TSPAN15: variants seen among roughly 807,000 people sequenced by gnomAD.
TSPAN15 encodes the protein tetraspanin 15.
A neutral mutation model predicts 34.5 loss-of-function variants in TSPAN15; 20 were observed. The ratio of observed to expected loss-of-function variants is 0.58; its 90% CI spans 0.41 to 0.84. The LOEUF is 0.84. TSPAN15 is among the 40% of genes least tolerant of loss of function. The probability of loss-of-function intolerance (pLI) is 0.00; values close to 1 mark genes in which losing one functional copy is unlikely to be tolerated. For synonymous variants in TSPAN15, 155 were observed against 153.9 expected (o/e 1.01, Z -0.05); for missense variants, 313 against 386.1 (o/e 0.81, Z 1.59).
chr10:69,495,823 A>G lies in TSPAN15; in HGVS notation c.453+134A>G, dbSNP rs1281331906. ...AAAGCAGGTGGCTGGCCAGATTGGG[A>G]GGCAACAGTGAGCATGGATGGCCCA... On this transcript the variant is annotated intron_variant, in intron 4 of 7. Transcript: ENST00000373290. 9.1e-6 allele frequency: 6 copies of G among 661,618 alleles called. No individual in the cohort carries two copies. In the Admixed American group the frequency reaches 1.5e-4, roughly 16 times the overall value. 41.0% of individuals were successfully genotyped at this position (661,618 alleles called of 1,614,324 possible). A position where few individuals can be genotyped will look rare whatever the true frequency, so the allele number is the denominator to read the frequency against.
downstream of TSPAN15, chr10:69,507,775 G>T: frequency 2.9e-6 from 2 of 686,344 alleles, no homozygotes; most frequent in Non-Finnish European, 4.1e-6. Context: ...TGCATGGGGT[G>T]AAGATTTGGC....
intron 1 of TSPAN15, among the ~76,000 whole-genome samples, chr10:69,468,566 G>T (rs1203455311): frequency 1.3e-5 from 2 of 151,666 alleles, no homozygotes; most frequent in Non-Finnish European, 2.9e-5. Flanking sequence ...ATGGAAGGAG[G>T]AATTCAAAGA....
chr10:69,454,905 G>A (rs10998788), intron 1 of TSPAN15, among the ~76,000 whole-genome samples: 19,938 of 152,026 alleles, frequency 0.13, 1,721 homozygotes, highest in Non-Finnish European at 0.18. Context: ...GCCGGGTGAG[G>A]TGTAATCCCA....
At chr10:69,505,408 C>T (rs940413898) in intron 6 of TSPAN15, among the ~76,000 whole-genome samples, 8 of 152,214 alleles carry the variant, frequency 5.3e-5, no homozygotes, top group African/African-American at 1.7e-4. Context: ...GTGTTGGCGA[C>T]TCACATACCA....
the TSPAN15 span, among the ~76,000 whole-genome samples, chr10:69,547,000 A>G: frequency 6.6e-6 from 1 of 152,092 alleles, no homozygotes; most frequent in Admixed American, 6.5e-5. Context: ...AAAAATTTAA[A>G]TACATAATTT....
intron 1 of TSPAN15, among the ~76,000 whole-genome samples, chr10:69,457,771 C>T (rs1841146347): frequency 6.6e-6 from 1 of 152,188 alleles, no homozygotes. Context: ...ACATAACTTC[C>T]ATGCACCTAA....
At chr10:69,508,071 AG>A (rs1842373865), downstream of TSPAN15, among the ~76,000 whole-genome samples, 1 of 152,126 alleles carries the variant, frequency 6.6e-6, no homozygotes, top group South Asian at 2.1e-4. Context: ...TGCGTGCGTC[AG>A]TCCACTCAAA....
At chr10:69,546,465 C>G in the TSPAN15 span, among the ~76,000 whole-genome samples, 1 of 152,324 alleles carries the variant, frequency 6.6e-6, no homozygotes, top group East Asian at 1.9e-4. Context: ...ACACATTCAT[C>G]TGGATAACTC....
At chr10:69,508,936 GAT>G (rs1222566118), downstream of TSPAN15, among the ~76,000 whole-genome samples, 6 of 152,316 alleles carry the variant, frequency 3.9e-5, no homozygotes, top group Admixed American at 3.9e-4. Context: ...CTGTCCTGGG[GAT>G]ATTCACTGTA....
intron 1 of TSPAN15, among the ~76,000 whole-genome samples, chr10:69,482,727 C>A (rs964946092): frequency 2.4e-4 from 14 of 58,820 alleles, no homozygotes; most frequent in African/African-American, 6.6e-4. Flanking sequence ...CTGTCCAAGG[C>A]CCAGGGTTAG....
At chr10:69,465,427 C>G (rs531110643) in intron 1 of TSPAN15, among the ~76,000 whole-genome samples, 1 of 152,318 alleles carries the variant, frequency 6.6e-6, no homozygotes, top group African/African-American at 2.4e-5. Flanking sequence ...TGAAACTTGA[C>G]TTTTTTCAGC....
chr10:69,508,949 G>C (rs1372982658), downstream of TSPAN15, among the ~76,000 whole-genome samples: 1 of 152,232 alleles, frequency 6.6e-6, no homozygotes, highest in African/African-American at 2.4e-5. Flanking sequence ...ATTCACTGTA[G>C]CCGCTGCTGC....
chr10:69,489,313 T>G (rs1251655643), intron 3 of TSPAN15, among the ~76,000 whole-genome samples: 1 of 152,216 alleles, frequency 6.6e-6, no homozygotes, highest in Non-Finnish European at 1.5e-5. Flanking sequence ...ATTCTGTTCT[T>G]TTTCAAGGTG....
chr10:69,519,960 G>A, the TSPAN15 span, among the ~76,000 whole-genome samples: 1 of 152,124 alleles, frequency 6.6e-6, no homozygotes, highest in African/African-American at 2.4e-5. Context: ...TTGAAGTCCC[G>A]AACTCAGGTG....
downstream of TSPAN15, among the ~76,000 whole-genome samples, chr10:69,508,653 A>G (rs577397953): frequency 1.3e-4 from 20 of 152,126 alleles, no homozygotes; most frequent in Non-Finnish European, 2.2e-4. Flanking sequence ...CAAACACACC[A>G]TAGAGCATAC....
chr10:69,539,539 G>GGAAGA, the TSPAN15 span, among the ~76,000 whole-genome samples: 3 of 42,726 alleles, frequency 7.0e-5, no homozygotes, highest in Admixed American at 7.7e-4. Context: ...GAAGAAGAAG[G>GGAAGA]AGAAGGAGAA....
chr10:69,515,691 C>T, the TSPAN15 span, among the ~76,000 whole-genome samples: 5 of 152,254 alleles, frequency 3.3e-5, no homozygotes, highest in African/African-American at 1.2e-4. Flanking sequence ...GCACAAGGTC[C>T]TGGCTTTCCA....
intron 3 of TSPAN15, among the ~76,000 whole-genome samples, chr10:69,494,397 T>C (rs1842033713): frequency 6.6e-6 from 1 of 152,202 alleles, no homozygotes; most frequent in South Asian, 2.1e-4. Flanking sequence ...TTCACAGCTT[T>C]TGTTTATTTA....
the TSPAN15 span, among the ~76,000 whole-genome samples, chr10:69,522,267 A>G: frequency 3.5e-5 from 5 of 141,810 alleles, no homozygotes; most frequent in East Asian, 5.9e-4. Flanking sequence ...AGGCTGAGGT[A>G]GGAGGATCAC....
Sources: gnomAD v4.1 joint callset for allele counts (sites outside exome capture counted in the v4.1 genomes callset) on GRCh38, gnomAD v4.1.1 for gene constraint, MANE v1.5 for transcripts, NCBI Gene and HGNC (gene_info 2026-07-23, HGNC 2026-07-21) for gene names.